Variants in LIMS1 observed in about 807,000 individuals in gnomAD.
LIMS1 encodes LIM zinc finger domain containing 1.
LIMS1 carries 18 observed loss-of-function variants against 44.1 expected under a neutral mutation model. The ratio of observed to expected loss-of-function variants is 0.41; its 90% CI spans 0.28 to 0.61. The LOEUF is 0.61. Ranked by LOEUF, LIMS1 falls within the 20% of genes least tolerant of loss-of-function variation. The pLI is 0.32. For missense variants in LIMS1, 201 were observed against 422.0 expected (o/e 0.48, Z 4.59); for synonymous variants, 93 against 149.1 (o/e 0.62, Z 2.74).
Position 108,640,491 on chromosome 2 carries a change from G to A in LIMS1, c.33-19114G>A, listed in dbSNP as rs1311095069. ...GCTTTCAGACCTGCCTTGTGTTGCAGAACCCCATGGACACTGAGGTTGAGC... is the reference window on the plus strand; with the variant it reads ...GCTTTCAGACCTGCCTTGTGTTGCAAAACCCCATGGACACTGAGGTTGAGC... On this transcript the variant is annotated intron_variant, in intron 1 of 9. Coordinates refer to ENST00000544547, the Ensembl canonical transcript of LIMS1. Among the ~76,000 whole-genome samples, 3 of 152,314 alleles carry A rather than the reference G, an allele frequency of 2.0e-5. No homozygotes were observed. In the East Asian group the frequency reaches 5.8e-4, roughly 29 times the overall value.
chr2:108,678,853 C>T (rs1692750046), intron 8 of LIMS1, among the ~76,000 whole-genome samples: 1 of 152,182 alleles, frequency 6.6e-6, no homozygotes, highest in Non-Finnish European at 1.5e-5. Context: ...GTTGGGCCAA[C>T]AGCAGTAGGG....
chr2:108,559,508 A>G (rs1685040890), intron 1 of LIMS1, among the ~76,000 whole-genome samples: 1 of 152,202 alleles, frequency 6.6e-6, no homozygotes, highest in Admixed American at 6.5e-5. Context: ...TTTAAAAACT[A>G]TTACTTTTAG....
At chr2:108,662,496 G>A in intron 2 of LIMS1, 21 of 1,343,814 alleles carry the variant, frequency 1.6e-5, no homozygotes, top group Non-Finnish European at 2.1e-5. Context: ...TTCATGGGCT[G>A]TTGCCCAGTT....
At chr2:108,600,291 T>TC (rs1447242877) in intron 1 of LIMS1, among the ~76,000 whole-genome samples, 1 of 151,510 alleles carries the variant, frequency 6.6e-6, no homozygotes, top group Non-Finnish European at 1.5e-5. Flanking sequence ...CCTCAGGTGA[T>TC]CTGCCCACCT....
intron 1 of LIMS1, among the ~76,000 whole-genome samples, chr2:108,561,702 T>G (rs556819544): frequency 6.6e-6 from 1 of 152,072 alleles, no homozygotes; most frequent in Non-Finnish European, 1.5e-5. Context: ...TTCTTTGTTA[T>G]GATTATATGT....
Position 108,650,065 on chromosome 2 carries a change from GACCTGCT to G in LIMS1, c.33-9538_33-9532del, listed in dbSNP as rs553446664. ...ATTCTTCACCAAAAGCCACCTAGCA[GACCTGCT>G]ATTCAGACGAATCTGACTTTTTTGG... On this transcript the variant is annotated intron_variant, in intron 1 of 9. Transcript: ENST00000544547. 4.4e-3 allele frequency among the ~76,000 whole-genome samples: 672 copies of G among 152,334 alleles called. 4 individuals carry two copies. Among genetic ancestry groups the G allele is most frequent in the South Asian group, 0.014 (68 of 4,830 alleles).
chr2:108,667,862 C>G (rs1691894042), intron 2 of LIMS1, among the ~76,000 whole-genome samples: 1 of 152,238 alleles, frequency 6.6e-6, no homozygotes, highest in Admixed American at 6.5e-5. Context: ...CTCTAGATTA[C>G]TTAAACAATA....
intron 1 of LIMS1, among the ~76,000 whole-genome samples, chr2:108,612,017 TAC>T (rs1441981587): frequency 2.9e-5 from 2 of 68,712 alleles, no homozygotes; most frequent in Non-Finnish European, 6.2e-5. Flanking sequence ...CATATATATA[TAC>T]ACACACATAT....
At chr2:108,585,194 T>C (rs1573375066) in intron 1 of LIMS1, among the ~76,000 whole-genome samples, 1 of 136,170 alleles carries the variant, frequency 7.3e-6, no homozygotes, top group Non-Finnish European at 1.6e-5. Context: ...CGATATAGGG[T>C]TTTGTGTGTT....
chr2:108,566,428 A>G (rs1159140436), intron 1 of LIMS1, among the ~76,000 whole-genome samples: 2 of 152,058 alleles, frequency 1.3e-5, no homozygotes, highest in Non-Finnish European at 2.9e-5. Flanking sequence ...TTATACCCTC[A>G]TTTATATAGA....
chr2:108,570,516 C>T (rs111280398), intron 1 of LIMS1, among the ~76,000 whole-genome samples: 26 of 152,272 alleles, frequency 1.7e-4, no homozygotes, highest in African/African-American at 5.1e-4. Context: ...CCAGAAGTTG[C>T]TGGCAGGTTG....
chr2:108,536,554 G>A (rs533732139), intron 1 of LIMS1, among the ~76,000 whole-genome samples: 4 of 152,184 alleles, frequency 2.6e-5, no homozygotes, highest in African/African-American at 9.6e-5. Context: ...TATTAAGAAA[G>A]CTACTACGAA....
chr2:108,677,692 C>T (rs1008272366), intron 7 of LIMS1, among the ~76,000 whole-genome samples: 3 of 152,146 alleles, frequency 2.0e-5, no homozygotes, highest in Non-Finnish European at 2.9e-5. Context: ...CCTCCTCTCC[C>T]GTCTATAGGT....
intron 1 of LIMS1, among the ~76,000 whole-genome samples, chr2:108,567,531 A>G (rs928740385): frequency 1.3e-5 from 2 of 152,226 alleles, no homozygotes; most frequent in East Asian, 3.9e-4. Flanking sequence ...ACGATGTGGT[A>G]CAAAAGCACT....
At chr2:108,605,293 C>A (rs1687215157) in intron 1 of LIMS1, among the ~76,000 whole-genome samples, 1 of 152,072 alleles carries the variant, frequency 6.6e-6, no homozygotes, top group Non-Finnish European at 1.5e-5. Context: ...GGACAGACTT[C>A]CCCTGCTGGG....
At chr2:108,558,434 C>T (rs184922515) in intron 1 of LIMS1, among the ~76,000 whole-genome samples, 3,052 of 152,010 alleles carry the variant, frequency 0.02, 63 homozygotes, top group African/African-American at 0.047. Context: ...TGGTCTCGAT[C>T]TCCTGACCTC....
chr2:108,551,774 CAT>C (rs1276328814), intron 1 of LIMS1, among the ~76,000 whole-genome samples: 60 of 142,064 alleles, frequency 4.2e-4, no homozygotes, highest in African/African-American at 1.5e-3. Context: ...TATTGTATAT[CAT>C]ATACAATATA....
chr2:108,641,896 C>A (rs1279074301), intron 1 of LIMS1, among the ~76,000 whole-genome samples: 1 of 152,192 alleles, frequency 6.6e-6, no homozygotes, highest in Non-Finnish European at 1.5e-5. Context: ...GAAGGAACTT[C>A]CCAGTTTCAT....
intron 1 of LIMS1, among the ~76,000 whole-genome samples, chr2:108,568,503 C>A (rs1685372266): frequency 6.6e-6 from 1 of 152,190 alleles, no homozygotes; most frequent in South Asian, 2.1e-4. Context: ...GTTACAAATA[C>A]CTCTTCAATA....
Sources: gnomAD v4.1 joint callset for allele counts (sites outside exome capture counted in the v4.1 genomes callset) on GRCh38, gnomAD v4.1.1 for gene constraint, MANE v1.5 for transcripts, NCBI Gene and HGNC (gene_info 2026-07-23, HGNC 2026-07-21) for gene names.